PABPC4L: variants seen among roughly 807,000 people sequenced by gnomAD.
The protein encoded by PABPC4L is poly(A) binding protein cytoplasmic 4 like, also known as polyadenylate-binding protein 4-like.
For synonymous variants in PABPC4L, 169 were observed against 164.1 expected, an observed-to-expected ratio of 1.03 and a Z score of -0.23; for missense variants, 452 against 451.4, an observed-to-expected ratio of 1.00 and a Z score of -0.01.
At chr4:134,027,040 T>G in the PABPC4L span, among the ~76,000 whole-genome samples, 3 of 152,280 alleles carry the variant, frequency 2.0e-5, no homozygotes, top group East Asian at 1.9e-4. Flanking sequence ...ACTAGAAAAC[T>G]AATATACCCT....
chr4:134,015,067 A>G, the PABPC4L span, among the ~76,000 whole-genome samples: 123,847 of 151,742 alleles, frequency 0.82, 51,066 homozygotes, highest in East Asian at 1. Context: ...CACAAGTATA[A>G]GACACCTCTA....
chr4:134,184,140 C>A, the PABPC4L span, among the ~76,000 whole-genome samples: 28 of 151,842 alleles, frequency 1.8e-4, no homozygotes, highest in African/African-American at 6.8e-4. Flanking sequence ...GACTGGTTAA[C>A]CAGACTAATG....
chr4:134,018,152 GCTCAAAAGCTCCCT>G, the PABPC4L span, among the ~76,000 whole-genome samples: 8 of 151,882 alleles, frequency 5.3e-5, no homozygotes, highest in Non-Finnish European at 8.8e-5. Context: ...GCTCATCCTG[GCTCAAAAGCTCCCT>G]ACTGAGCACC....
the PABPC4L span, among the ~76,000 whole-genome samples, chr4:134,133,447 T>A: frequency 6.8e-6 from 1 of 146,054 alleles, no homozygotes; most frequent in South Asian, 2.1e-4. Context: ...AAATATATAA[T>A]ATATAATAAG....
rs1410286204 is a variant in PABPC4L at position 134,199,207 on chromosome 4, C to G, written c.*700G>C. ...AGTTAAGGTTTTACAGTGCAAGTTA[C>G]AATTTAGATTAACTAGTAAGTACCT... On this transcript the variant is annotated 3_prime_UTR_variant, in exon 2 of 2. Coordinates refer to ENST00000421491, the MANE Select transcript of PABPC4L (RefSeq NM_001114734.2). 1 of 151,982 alleles carries G rather than the reference C, an allele frequency of 6.6e-6. No individual in the cohort carries two copies. The highest frequency in any genetic ancestry group is 1.9e-4 in the East Asian group (1 of 5,194). The allele number at this position is 151,982 out of a possible 1,614,324, so 9.4% of individuals were successfully genotyped here. A position where few individuals can be genotyped will look rare whatever the true frequency, so the allele number is the denominator to read the frequency against.
chr4:134,020,233 G>C, the PABPC4L span, among the ~76,000 whole-genome samples: 2 of 152,060 alleles, frequency 1.3e-5, no homozygotes, highest in Non-Finnish European at 2.9e-5. Flanking sequence ...TCCGTAGATA[G>C]AGTGGGATGT....
chr4:134,172,147 C>A, the PABPC4L span, among the ~76,000 whole-genome samples: 1 of 152,034 alleles, frequency 6.6e-6, no homozygotes, highest in Non-Finnish European at 1.5e-5. Context: ...TTACATTATT[C>A]ACAGAATTAG....
chr4:134,143,482 TTTTCAATATTAA>T, the PABPC4L span, among the ~76,000 whole-genome samples: 2 of 150,426 alleles, frequency 1.3e-5, no homozygotes, highest in African/African-American at 4.8e-5. Context: ...TTTAAGATAT[TTTTCAATATTAA>T]TAAATACTCA....
chr4:134,061,631 AG>A, the PABPC4L span, among the ~76,000 whole-genome samples: 2 of 18,310 alleles, frequency 1.1e-4, no homozygotes, highest in Non-Finnish European at 1.9e-4. Context: ...AGAGAGAGAG[AG>A]AGAGAGAGAG....
the PABPC4L span, among the ~76,000 whole-genome samples, chr4:133,966,845 C>T: frequency 6.6e-6 from 1 of 152,114 alleles, no homozygotes; most frequent in East Asian, 1.9e-4. Context: ...AAATAAACTG[C>T]AATGAGAAGC....
At chr4:134,147,274 T>A in the PABPC4L span, among the ~76,000 whole-genome samples, 1 of 152,152 alleles carries the variant, frequency 6.6e-6, no homozygotes, top group Non-Finnish European at 1.5e-5. Flanking sequence ...TTTAATTTTT[T>A]AAATGTTATA....
At chr4:134,126,588 T>G in the PABPC4L span, among the ~76,000 whole-genome samples, 1 of 118,518 alleles carries the variant, frequency 8.4e-6, no homozygotes, top group Admixed American at 8.6e-5. Context: ...ACATTTCCCT[T>G]TAGTCTTTTT....
chr4:134,086,430 C>G, the PABPC4L span, among the ~76,000 whole-genome samples: 1 of 152,070 alleles, frequency 6.6e-6, no homozygotes, highest in African/African-American at 2.4e-5. Flanking sequence ...TTTAAGCTGT[C>G]CTTGAGAGTC....
At chr4:133,975,432 A>C in the PABPC4L span, among the ~76,000 whole-genome samples, 28 of 152,224 alleles carry the variant, frequency 1.8e-4, no homozygotes, top group Admixed American at 4.6e-4. Context: ...CACCTTCTGA[A>C]TATACTAAAA....
chr4:134,163,840 T>C, the PABPC4L span, among the ~76,000 whole-genome samples: 1 of 152,110 alleles, frequency 6.6e-6, no homozygotes, highest in Non-Finnish European at 1.5e-5. Context: ...AGAACATACA[T>C]ACATAAACAT....
the PABPC4L span, among the ~76,000 whole-genome samples, chr4:134,038,150 C>A: frequency 1.3e-5 from 2 of 152,120 alleles, no homozygotes; most frequent in Admixed American, 6.6e-5. Context: ...GTTGAACCAG[C>A]CTTGCATCCC....
the PABPC4L span, among the ~76,000 whole-genome samples, chr4:134,055,799 T>A: frequency 8.6e-5 from 13 of 151,970 alleles, no homozygotes; most frequent in African/African-American, 2.7e-4. Context: ...TAGAGTGTTT[T>A]GCAGAAAAAG....
the PABPC4L span, among the ~76,000 whole-genome samples, chr4:134,075,814 G>T: frequency 6.6e-6 from 1 of 151,676 alleles, no homozygotes; most frequent in Admixed American, 6.6e-5. Context: ...GCATCTGCTG[G>T]AGCATGCTGT....
the PABPC4L span, among the ~76,000 whole-genome samples, chr4:134,135,722 A>G: frequency 7.4e-4 from 112 of 152,122 alleles, 2 homozygotes; most frequent in East Asian, 0.019. Context: ...AATCCCAGAT[A>G]CTCGGGAGGC....
Sources: gnomAD v4.1 joint callset for allele counts (sites outside exome capture counted in the v4.1 genomes callset) on GRCh38, gnomAD v4.1.1 for gene constraint, MANE v1.5 for transcripts, NCBI Gene and HGNC (gene_info 2026-07-23, HGNC 2026-07-21) for gene names.